Variants in DCLK1 observed in about 807,000 individuals in gnomAD.
DCLK1 encodes serine/threonine-protein kinase DCLK1.
DCLK1 carries 16 observed loss-of-function variants against 86.2 expected under a neutral mutation model. The ratio of observed to expected loss-of-function variants is 0.19; its 90% CI spans 0.13 to 0.28. The LOEUF is 0.28. Among genes scored for constraint, DCLK1 ranks in the 10% least tolerant of loss-of-function variants. The pLI, the probability that DCLK1 is intolerant of heterozygous loss-of-function variation, is 1.00. For synonymous variants in DCLK1, 369 were observed against 370.5 expected (o/e 1.00, Z 0.05); for missense variants, 590 against 940.2 (o/e 0.63, Z 4.87).
chr13:36,058,213 C>T (rs1189616981), intron 3 of DCLK1, among the ~76,000 whole-genome samples: 5 of 152,084 alleles, frequency 3.3e-5, no homozygotes, highest in South Asian at 2.1e-4. Flanking sequence ...GAAGGAAAAT[C>T]GAGTACAATT....
At chr13:36,098,059 A>G (rs1885076926) in intron 3 of DCLK1, among the ~76,000 whole-genome samples, 1 of 152,180 alleles carries the variant, frequency 6.6e-6, no homozygotes. Flanking sequence ...GGGGTAAAAA[A>G]TCGAAATTTT....
intron 3 of DCLK1, among the ~76,000 whole-genome samples, chr13:35,973,401 A>G (rs1406733108): frequency 1.3e-5 from 2 of 152,074 alleles, no homozygotes; most frequent in African/African-American, 4.8e-5. Flanking sequence ...CTCTTCTGGG[A>G]AGCTCTCCCC....
chr13:35,885,793 GC>G (rs1332035643), intron 4 of DCLK1, among the ~76,000 whole-genome samples: 2 of 152,136 alleles, frequency 1.3e-5, no homozygotes, highest in Non-Finnish European at 2.9e-5. Context: ...GCCTTACCAT[GC>G]AAAAGTAATG....
chr13:36,056,340 AT>A (rs1692669575), intron 3 of DCLK1, among the ~76,000 whole-genome samples: 1 of 101,472 alleles, frequency 9.9e-6, no homozygotes, highest in Non-Finnish European at 1.9e-5. Flanking sequence ...ATTGGAAACC[AT>A]CATTCTCAGT....
chr13:35,886,390 G>C (rs995434656), intron 4 of DCLK1, among the ~76,000 whole-genome samples: 1 of 152,110 alleles, frequency 6.6e-6, no homozygotes, highest in Non-Finnish European at 1.5e-5. Flanking sequence ...TCTGGGCAAT[G>C]GTTTAGATAC....
chr13:35,907,196 T>C (rs1874734039), intron 4 of DCLK1, among the ~76,000 whole-genome samples: 1 of 152,196 alleles, frequency 6.6e-6, no homozygotes, highest in Non-Finnish European at 1.5e-5. Context: ...AGGGTCTCAG[T>C]CTATCACCCA....
intron 3 of DCLK1, among the ~76,000 whole-genome samples, chr13:36,086,702 T>G (rs1427401670): frequency 6.6e-6 from 1 of 152,188 alleles, no homozygotes; most frequent in African/African-American, 2.4e-5. Flanking sequence ...CTCCCACTTA[T>G]GAGTGAGAAC....
At chr13:35,854,760 G>A (rs1014832478) in intron 5 of DCLK1, among the ~76,000 whole-genome samples, 167 bp from the exon 6 acceptor site, 2 of 152,232 alleles carry the variant, frequency 1.3e-5, no homozygotes, top group African/African-American at 4.8e-5. Flanking sequence ...GTAACCTTCA[G>A]AGAGTCACAG....
At chr13:35,924,686 A>G (rs1247162399) in intron 4 of DCLK1, among the ~76,000 whole-genome samples, 4 of 152,172 alleles carry the variant, frequency 2.6e-5, no homozygotes, top group Non-Finnish European at 5.9e-5. Context: ...AAGGCTTAGT[A>G]TTCTTAGTAT....
At chr13:35,925,713 T>G (rs573729037) in intron 4 of DCLK1, among the ~76,000 whole-genome samples, 3 of 152,336 alleles carry the variant, frequency 2.0e-5, no homozygotes, top group African/African-American at 7.2e-5. Flanking sequence ...TGTGTTTGGT[T>G]GTTGTTTTTA....
intron 10 of DCLK1, among the ~76,000 whole-genome samples, chr13:35,824,506 A>G (rs1052890210): frequency 1.3e-5 from 2 of 152,032 alleles, no homozygotes; most frequent in Non-Finnish European, 2.9e-5. Context: ...TCAACAATGC[A>G]GTCAACAGGT....
At chr13:35,935,971 A>G (rs1330133819) in intron 4 of DCLK1, among the ~76,000 whole-genome samples, 2 of 152,166 alleles carry the variant, frequency 1.3e-5, no homozygotes, top group Non-Finnish European at 2.9e-5. Flanking sequence ...ATTAAAGTAG[A>G]TGAACTTGGC....
intron 16 of DCLK1, among the ~76,000 whole-genome samples, chr13:35,775,442 C>T (rs929771146): frequency 1.4e-4 from 22 of 152,134 alleles, no homozygotes; most frequent in African/African-American, 5.3e-4. Flanking sequence ...CCTCAATTTC[C>T]TGAGGAGACC....
rs1208817924 is a variant in DCLK1 at position 35,774,989 on chromosome 13, T to G, written c.2059-290A>C. Among the ~76,000 whole-genome samples, 5 of 152,248 alleles carry G rather than the reference T, an allele frequency of 3.3e-5. No homozygotes were observed. In the South Asian group the frequency reaches 8.3e-4, roughly 25 times the overall value. ...AGACTTTTGCTAGCTGCACATTTAT[T>G]TACCCTTGGTGGCTCCTAGGCTAGC... On this transcript the variant is annotated intron_variant, in intron 16 of 16. Coordinates refer to ENST00000360631, the MANE Select transcript of DCLK1 (RefSeq NM_001330071.2).
chr13:35,799,498 G>T (rs559463427), intron 15 of DCLK1, among the ~76,000 whole-genome samples: 1 of 152,028 alleles, frequency 6.6e-6, no homozygotes, highest in African/African-American at 2.4e-5. Context: ...TTATCTGCCC[G>T]CCTCGGCCTC....
In DCLK1 at chr13:35,774,424, T is replaced by G; in HGVS notation, c.*111A>C. 7.8e-7 allele frequency: 1 copy of G among 1,283,136 alleles called. No individual in the cohort carries two copies. The highest frequency in any genetic ancestry group is 1.1e-6 in the Non-Finnish European group (1 of 939,806). 79.5% of individuals were successfully genotyped at this position (1,283,136 alleles called of 1,614,324 possible). ...CTGAAAACACTTTCAGTTCTGCCATTCAAGCATTGAGCGCTAGATAGATCA... is the reference window on the plus strand; with the variant it reads ...CTGAAAACACTTTCAGTTCTGCCATGCAAGCATTGAGCGCTAGATAGATCA... On this transcript the variant is annotated 3_prime_UTR_variant, in exon 17 of 17. Transcript: ENST00000360631.
At chr13:35,982,421 AGAGAGAGAGAGGGGGAGG>A (rs1879692669) in intron 3 of DCLK1, among the ~76,000 whole-genome samples, 1 of 40,142 alleles carries the variant, frequency 2.5e-5, no homozygotes, top group Non-Finnish European at 6.0e-5. Context: ...AGAGAGAGAG[AGAGAGAGAGAGGGGGAGG>A]GAGGGAGGGA....
chr13:35,988,297 C>T (rs535185406), intron 3 of DCLK1, among the ~76,000 whole-genome samples: 2 of 152,308 alleles, frequency 1.3e-5, no homozygotes, highest in African/African-American at 2.4e-5. Context: ...AGGCTGTTGG[C>T]GACACCGCGG....
At chr13:35,830,324 A>G (rs975920216) in intron 8 of DCLK1, among the ~76,000 whole-genome samples, 1 of 152,056 alleles carries the variant, frequency 6.6e-6, no homozygotes, top group Admixed American at 6.5e-5. Context: ...CCAGGAGGTA[A>G]AGGCTGCAGT....
Sources: gnomAD v4.1 joint callset for allele counts (sites outside exome capture counted in the v4.1 genomes callset) on GRCh38, gnomAD v4.1.1 for gene constraint, MANE v1.5 for transcripts, NCBI Gene and HGNC (gene_info 2026-07-23, HGNC 2026-07-21) for gene names.